Variants in SLCO5A1 observed in about 807,000 individuals in gnomAD.
SLCO5A1 encodes the protein solute carrier organic anion transporter family member 5A1.
In SLCO5A1, 39 loss-of-function variants were observed where a neutral mutation model predicts 65.1. The observed-to-expected ratio is 0.60, with a 90% CI of 0.46 to 0.78. SLCO5A1 has a LOEUF of 0.78. SLCO5A1 is among the 30% of genes least tolerant of loss of function. SLCO5A1 has a pLI of 0.00. For missense variants in SLCO5A1, 1,029 were observed against 1,069.4 expected (o/e 0.96, Z 0.53); for synonymous variants, 438 against 415.7 (o/e 1.05, Z -0.65).
chr8:69,716,053 AG>A (rs1188046153), intron 5 of SLCO5A1, among the ~76,000 whole-genome samples: 2 of 143,728 alleles, frequency 1.4e-5, no homozygotes, highest in African/African-American at 6.0e-5. Flanking sequence ...TGCCTGTTTG[AG>A]ACCTTTCATA....
chr8:69,722,133 T>G (rs1326673679), intron 5 of SLCO5A1, among the ~76,000 whole-genome samples: 3 of 152,108 alleles, frequency 2.0e-5, no homozygotes, highest in Non-Finnish European at 4.4e-5. Context: ...GATCTACCAC[T>G]GCTCTGCAGC....
chr8:69,776,476 T>C (rs1373640654), intron 2 of SLCO5A1, among the ~76,000 whole-genome samples: 1 of 152,152 alleles, frequency 6.6e-6, no homozygotes, highest in Non-Finnish European at 1.5e-5. Flanking sequence ...GCGGATTGCT[T>C]GAGCTCAGTT....
intron 4 of SLCO5A1, among the ~76,000 whole-genome samples, chr8:69,741,830 A>T (rs1249596188): frequency 6.6e-6 from 1 of 152,204 alleles, no homozygotes; most frequent in African/African-American, 2.4e-5. Flanking sequence ...TACCTTTTTT[A>T]AAAGACCAAG....
chr8:69,712,457 T>C (rs1270972069), intron 5 of SLCO5A1, among the ~76,000 whole-genome samples: 1 of 152,190 alleles, frequency 6.6e-6, no homozygotes, highest in Admixed American at 6.5e-5. Flanking sequence ...ATTTGTATTG[T>C]AAATAGACAC....
chr8:69,803,618 C>T (rs1819857497), intron 2 of SLCO5A1, among the ~76,000 whole-genome samples: 1 of 152,216 alleles, frequency 6.6e-6, no homozygotes. Context: ...TGCAAATTCT[C>T]AGCTCCCCTC....
chr8:69,802,936 A>G (rs1305337305), intron 2 of SLCO5A1, among the ~76,000 whole-genome samples: 2 of 152,256 alleles, frequency 1.3e-5, no homozygotes, highest in African/African-American at 4.8e-5. Flanking sequence ...TAGCACCCAC[A>G]GCACTGTCTG....
At chr8:69,798,362 T>C (rs756948876) in intron 2 of SLCO5A1, among the ~76,000 whole-genome samples, 1 of 152,220 alleles carries the variant, frequency 6.6e-6, no homozygotes, top group African/African-American at 2.4e-5. Context: ...AGAGCTTTAA[T>C]TGGCTCATGG....
rs1004202823 is a variant in SLCO5A1, at chr8:69,667,716, A to C, written c.*5153T>G. 1 of 152,246 alleles carries C rather than the reference A, an allele frequency of 6.6e-6. No homozygotes were observed. Among genetic ancestry groups the C allele is most frequent in the Non-Finnish European group, 1.5e-5 (1 of 68,044 alleles). The allele number at this position is 152,246 out of a possible 1,614,324, so 9.4% of individuals were successfully genotyped here. ...GTTAAAAATACCTTACATGGGTGTA[A>C]TCTTTTTGGAGAAGAAATAAGAAAA... is the stretch of plus-strand genomic sequence containing the variant. On this transcript the variant is annotated 3_prime_UTR_variant, in exon 10 of 10. Coordinates refer to ENST00000260126, the MANE Select transcript of SLCO5A1 (RefSeq NM_030958.3).
At chr8:69,698,635 G>A (rs139040319) in intron 6 of SLCO5A1, among the ~76,000 whole-genome samples, 59 of 152,278 alleles carry the variant, frequency 3.9e-4, no homozygotes, top group African/African-American at 1.3e-3. Flanking sequence ...TCATATGCTT[G>A]TTGGCTGTGT....
chr8:69,674,551 T>C (rs1158549219), intron 9 of SLCO5A1, among the ~76,000 whole-genome samples: 1 of 152,198 alleles, frequency 6.6e-6, no homozygotes. Flanking sequence ...ACTAGACTTT[T>C]TCACAATCCA....
At chr8:69,777,237 A>G (rs1382325387) in intron 2 of SLCO5A1, among the ~76,000 whole-genome samples, 1 of 152,216 alleles carries the variant, frequency 6.6e-6, no homozygotes, top group Non-Finnish European at 1.5e-5. Flanking sequence ...TGAACTATTG[A>G]TACTTGCTGA....
intron 5 of SLCO5A1, chr8:69,714,887 A>G (rs1052519845): frequency 3.9e-5 from 6 of 152,188 alleles, no homozygotes; most frequent in Non-Finnish European, 7.3e-5. Context: ...GAGAACCCCA[A>G]TCTCAGGATT....
chr8:69,696,367 C>T (rs1272769224), intron 6 of SLCO5A1, among the ~76,000 whole-genome samples: 1 of 152,126 alleles, frequency 6.6e-6, no homozygotes, highest in Admixed American at 6.5e-5. Flanking sequence ...GCCAGCCTGC[C>T]CGATCGAATC....
intron 5 of SLCO5A1, among the ~76,000 whole-genome samples, chr8:69,731,196 C>T (rs1210853458): frequency 2.0e-5 from 3 of 152,238 alleles, no homozygotes; most frequent in Admixed American, 1.3e-4. Context: ...GACGGGGTTT[C>T]GCCATGCTGG....
At position 69,799,220 on chromosome 8, in the gene SLCO5A1, T is replaced by C. The variant is rs140743224; in HGVS notation, c.907+32547A>G. 5.9e-3 allele frequency among the ~76,000 whole-genome samples: 906 copies of C among 152,302 alleles called. 11 individuals carry two copies. The highest frequency in any genetic ancestry group is 0.021 in the African/African-American group (862 of 41,558). On this transcript the variant is annotated intron_variant, in intron 2 of 9. Transcript: ENST00000260126. Reference sequence around the variant, plus strand: ...CGTTATTGGAGGTATTTAAGAAGCTTACTTTAGAGAAAAAGAATTCTCATC... The same window carrying C: ...CGTTATTGGAGGTATTTAAGAAGCTCACTTTAGAGAAAAAGAATTCTCATC...
At chr8:69,827,131 A>G (rs1260485228) in intron 2 of SLCO5A1, among the ~76,000 whole-genome samples, 1 of 117,838 alleles carries the variant, frequency 8.5e-6, no homozygotes, top group Non-Finnish European at 1.6e-5. Flanking sequence ...GGAACATCAC[A>G]CTCTGGGGAC....
chr8:69,701,193 T>C (rs1039865291), intron 6 of SLCO5A1, among the ~76,000 whole-genome samples: 6 of 152,102 alleles, frequency 3.9e-5, no homozygotes, highest in Admixed American at 2.6e-4. Flanking sequence ...TGGATGCAGA[T>C]TCAAAGAAAG....
chr8:69,744,844 G>A (rs1006537659), intron 4 of SLCO5A1, among the ~76,000 whole-genome samples: 22 of 152,196 alleles, frequency 1.4e-4, no homozygotes, highest in Admixed American at 1.4e-3. Flanking sequence ...TAAGATGAAA[G>A]GTGGTCCACA....
At chr8:69,723,399 A>G (rs748992495) in intron 5 of SLCO5A1, among the ~76,000 whole-genome samples, 11 of 151,926 alleles carry the variant, frequency 7.2e-5, no homozygotes, top group Non-Finnish European at 1.5e-4. Flanking sequence ...CCACAGGCAC[A>G]AGCCACCATG....
Sources: allele counts gnomAD v4.1 joint callset (sites outside exome capture counted in the v4.1 genomes callset), GRCh38; gene constraint gnomAD v4.1.1; transcripts MANE v1.5; gene names NCBI Gene and HGNC (gene_info 2026-07-23, HGNC 2026-07-21).